Variants in NEXN observed in about 807,000 individuals in gnomAD.
NEXN encodes the protein nexilin F-actin binding protein, also known as nexilin.
A neutral mutation model predicts 92.6 loss-of-function variants in NEXN; 65 were observed. The ratio of observed to expected loss-of-function variants is 0.70; its 90% CI spans 0.57 to 0.86. NEXN has a LOEUF of 0.86. Among genes scored for constraint, NEXN ranks in the 40% least tolerant of loss-of-function variants. The probability of loss-of-function intolerance (pLI) is 0.00; values close to 1 mark genes in which losing one functional copy is unlikely to be tolerated. For synonymous variants in NEXN, 254 were observed against 242.5 expected (o/e 1.05, Z -0.44); for missense variants, 778 against 771.1 (o/e 1.01, Z -0.11).
intron 11 of NEXN, among the ~76,000 whole-genome samples, chr1:77,938,925 C>T (rs1241433958): frequency 6.6e-6 from 1 of 152,164 alleles, no homozygotes; most frequent in Non-Finnish European, 1.5e-5. Flanking sequence ...TAGGTTGTGG[C>T]TAGTTAATGA....
chr1:77,899,528 G>A (rs1356253922), intron 1 of NEXN, among the ~76,000 whole-genome samples: 1 of 152,084 alleles, frequency 6.6e-6, no homozygotes, highest in African/African-American at 2.4e-5. Context: ...GGAGAGGGGA[G>A]GGATAGCATT....
chr1:77,918,668 G>GA lies in NEXN; in HGVS notation c.447+413dup, dbSNP rs376219706. 4.3e-3 allele frequency among the ~76,000 whole-genome samples: 333 copies of GA among 77,166 alleles called. 2 individuals are homozygous for GA. The highest frequency in any genetic ancestry group is 0.024 in the South Asian group (68 of 2,848). 50.6% of individuals were successfully genotyped at this position (77,166 alleles called of 152,430 possible). A position where few individuals can be genotyped will look rare whatever the true frequency, so the allele number is the denominator to read the frequency against. ...GTGACAGGGCAAGACCTATCTCAAA[G>GA]AAAAAAAAAAAAAAAAAAGGCAGCT... On this transcript the variant is annotated intron_variant, in intron 5 of 12. Coordinates refer to ENST00000334785, the MANE Select transcript of NEXN (RefSeq NM_144573.4).
At chr1:77,912,887 A>C (rs761434901) in intron 1 of NEXN, among the ~76,000 whole-genome samples, 4 of 152,214 alleles carry the variant, frequency 2.6e-5, no homozygotes, top group Non-Finnish European at 5.9e-5. Flanking sequence ...TTTGGAGTTC[A>C]CTTTTTAGCT....
chr1:77,908,865 CCTAA>C, intron 1 of NEXN, among the ~76,000 whole-genome samples: 1 of 152,094 alleles, frequency 6.6e-6, no homozygotes, highest in Non-Finnish European at 1.5e-5. Context: ...CTCAGCTAAT[CCTAA>C]CTAAGCAGTT....
chr1:77,917,828 C>T (rs568008548), intron 3 of NEXN, 71 bp downstream of exon 3: 2 of 1,429,186 alleles, frequency 1.4e-6, no homozygotes, highest in African/African-American at 1.4e-5. Context: ...TATTTATTCA[C>T]ATTAACCACA....
chr1:77,913,546 T>C (rs972367741), intron 1 of NEXN, among the ~76,000 whole-genome samples: 4 of 151,998 alleles, frequency 2.6e-5, no homozygotes, highest in Non-Finnish European at 5.9e-5. Flanking sequence ...ATTTATTCAT[T>C]TAATATATAT....
At chr1:77,890,775 A>G (rs1006359652) in intron 1 of NEXN, among the ~76,000 whole-genome samples, 1 of 152,184 alleles carries the variant, frequency 6.6e-6, no homozygotes, top group African/African-American at 2.4e-5. Flanking sequence ...TTTAAATATG[A>G]GAGTTGTGCA....
rs540636294 is a variant in NEXN at position 77,935,788 on chromosome 1, A to T, written c.1252-35A>T. On this transcript the variant is annotated intron_variant, in intron 10 of 12. Transcript: ENST00000334785. ...GGCAACATAGTGAGACTCTCTCAAA[A>T]ACAGCAGCAACAAACTTATTAATTT... 5 of 1,583,614 alleles carry T rather than the reference A, an allele frequency of 3.2e-6. No homozygotes were observed. In the South Asian group the frequency reaches 4.5e-5, roughly 14 times the overall value.
rs1475597161 is a variant in NEXN at position 77,926,607 on chromosome 1, T to C, written c.683T>C (p.Val228Ala). 1.2e-6 allele frequency: 2 copies of C among 1,613,760 alleles called. No individual in the cohort carries two copies. Among genetic ancestry groups the C allele is most frequent in the Non-Finnish European group, 1.7e-6 (2 of 1,179,922 alleles). Residue 228 changes from valine (V) to alanine (A), a missense_variant, in exon 7 of 13, where the codon GTT becomes GCT. Val to Ala is a moderately conservative substitution (Grantham distance 64). Around this residue, in one of 3 missense-constraint regions of NEXN, gnomAD observed 236 missense variants for 265.6 expected, o/e 0.89. Coordinates refer to ENST00000334785, the MANE Select transcript of NEXN (RefSeq NM_144573.4). ...AAGGAAGCAAAGTGTCTTTCATTAG[T>C]TATGGTAAATTTTTGTTTGTTTGTT... ...SLKEAKCLSL[V>A]MDDEIESEAK...
At chr1:77,892,797 TGGTGG>T (rs1647137801) in intron 1 of NEXN, among the ~76,000 whole-genome samples, 1 of 152,054 alleles carries the variant, frequency 6.6e-6, no homozygotes, top group Admixed American at 6.5e-5. Context: ...ATACTTTCCC[TGGTGG>T]GATTTTAGAA....
chr1:77,939,683 C>T (rs1268589245), intron 11 of NEXN, among the ~76,000 whole-genome samples: 1 of 152,066 alleles, frequency 6.6e-6, no homozygotes, highest in Non-Finnish European at 1.5e-5. Context: ...ACTTTTATAC[C>T]CTATCAGAAT....
At position 77,943,289 on chromosome 1, in the gene NEXN, T is replaced by C. The variant is rs527763693; in HGVS notation, c.*460T>C. ...GAATACATTATTTTGCATGAAGGAA[T>C]GTCATTTCTGAGCTTTTTACACCTA... On this transcript the variant is annotated 3_prime_UTR_variant, in exon 13 of 13. Coordinates refer to ENST00000334785, the MANE Select transcript of NEXN (RefSeq NM_144573.4). 1.1e-5 allele frequency: 2 copies of C among 176,776 alleles called. No individual in the cohort carries two copies. The highest frequency in any genetic ancestry group is 4.8e-5 in the African/African-American group (2 of 41,456). 11.0% of individuals were successfully genotyped at this position (176,776 alleles called of 1,614,324 possible). A position where few individuals can be genotyped will look rare whatever the true frequency, so the allele number is the denominator to read the frequency against.
At position 77,942,695 on chromosome 1, in the gene NEXN, G is replaced by A; in HGVS notation, c.1894G>A (p.Glu632Lys). 6.2e-7 allele frequency: 1 copy of A among 1,613,746 alleles called. No homozygotes were observed. The highest frequency in any genetic ancestry group is 2.2e-5 in the East Asian group (1 of 44,874). The change falls in exon 13 of 13, where the codon GAA (glutamate) becomes AAA (lysine). Residue 632 changes from glutamate (E) to lysine (K), a missense_variant. Physicochemically the swap from Glu to Lys is moderately conservative, Grantham distance 56 (BLOSUM62 1). Coordinates refer to ENST00000334785, the MANE Select transcript of NEXN (RefSeq NM_144573.4). ...GGATGGAGAAGACTATCAATATATT[G>A]AAAGGGGAGAAACTTACTGCCTTTA... is the stretch of plus-strand genomic sequence containing the variant. Reference protein sequence around the residue: ...LQDGEDYQYIERGETYCLYLP... With the variant: ...LQDGEDYQYIKRGETYCLYLP...
chr1:77,939,028 A>T (rs967344337), intron 11 of NEXN, among the ~76,000 whole-genome samples: 1 of 152,186 alleles, frequency 6.6e-6, no homozygotes, highest in African/African-American at 2.4e-5. Context: ...TTTATGCAAG[A>T]ATTCTGGGAC....
intron 9 of NEXN, among the ~76,000 whole-genome samples, chr1:77,930,430 G>A (rs2102136724): frequency 6.6e-6 from 1 of 152,232 alleles, no homozygotes; most frequent in African/African-American, 2.4e-5. Context: ...CTTGCCTGGG[G>A]CCAACTCCTC....
At chr1:77,918,463 G>A (rs1437163076) in intron 5 of NEXN, among the ~76,000 whole-genome samples, 190 bp downstream of exon 5, 3 of 151,952 alleles carry the variant, frequency 2.0e-5, no homozygotes, top group South Asian at 2.1e-4. Flanking sequence ...GGATCGCTTC[G>A]ACATCAGCCC....
intron 11 of NEXN, among the ~76,000 whole-genome samples, chr1:77,938,799 G>T (rs764353111): frequency 5.9e-5 from 9 of 152,076 alleles, no homozygotes; most frequent in Non-Finnish European, 8.8e-5. Context: ...CCAGATAGAG[G>T]AGAAGCCTTC....
At chr1:77,909,064 C>A (rs773347480) in intron 1 of NEXN, among the ~76,000 whole-genome samples, 1 of 152,040 alleles carries the variant, frequency 6.6e-6, no homozygotes, top group Non-Finnish European at 1.5e-5. Context: ...AAGAATGAAT[C>A]AAAAATAACT....
rs1305454215 is a variant in NEXN at position 77,935,899 on chromosome 1, T to C, written c.1328T>C (p.Ile443Thr). ...ELIKLKRSGS[I>T]QAKNLKSKFE... is the part of the protein sequence containing the mutation. ...ATCAAATTAAAAAGGAGTGGCTCTA[T>C]TCAAGCTAAAAACCTAAAAAGCAAG... is the stretch of plus-strand genomic sequence containing the variant. The change falls in exon 11 of 13, where the codon ATT (isoleucine) becomes ACT (threonine). Residue 443 changes from isoleucine (I) to threonine (T), a missense_variant. Transcript: ENST00000334785. 6.2e-7 allele frequency: 1 copy of C among 1,613,866 alleles called. No individual in the cohort carries two copies. The highest frequency in any genetic ancestry group is 1.3e-5 in the African/African-American group (1 of 74,900).
Sources: gnomAD v4.1 joint callset for allele counts (sites outside exome capture counted in the v4.1 genomes callset) on GRCh38, gnomAD v4.1.1 for gene constraint, gnomAD v4.1.1 regional missense constraint, MANE v1.5 for transcripts, NCBI Gene and HGNC (gene_info 2026-07-23, HGNC 2026-07-21) for gene names.